Variants in MXRA8 observed in about 807,000 individuals in gnomAD.
The protein encoded by MXRA8 is matrix remodeling-associated protein 8.
MXRA8 carries 44 observed loss-of-function variants against 51.4 expected under a neutral mutation model. The ratio of observed to expected loss-of-function variants is 0.86; its 90% CI spans 0.67 to 1.10. MXRA8 has a LOEUF of 1.10. Among genes scored for constraint, MXRA8 ranks in the 50% least tolerant of loss-of-function variants. The probability of loss-of-function intolerance (pLI) is 0.00; values close to 1 mark genes in which losing one functional copy is unlikely to be tolerated. For missense variants in MXRA8, 765 were observed against 638.9 expected (o/e 1.20, Z -2.13); for synonymous variants, 369 against 293.5 (o/e 1.26, Z -2.63).
intron 1 of MXRA8, 27 bp downstream of exon 1, chr1:1,358,428 CA>C: frequency 6.3e-7 from 1 of 1,595,604 alleles, no homozygotes; most frequent in African/African-American, 1.3e-5. Flanking sequence ...TGCCACCCCC[CA>C]CCCGCCTCCC....
intron 1 of MXRA8, among the ~76,000 whole-genome samples, chr1:1,357,379 ACT>A (rs1644154056): frequency 6.6e-6 from 1 of 151,800 alleles, no homozygotes; most frequent in Non-Finnish European, 1.5e-5. Flanking sequence ...CGCCCTACGC[ACT>A]GTCCCCTGGT....
At chr1:1,354,169 G>C in intron 7 of MXRA8, 24 bp downstream of exon 7, 1 of 1,612,766 alleles carries the variant, frequency 6.2e-7, no homozygotes. Flanking sequence ...TGGTCCCCAG[G>C]AGGGCCGGGA....
Position 1,353,233 on chromosome 1 carries a change from C to T in MXRA8, c.*371G>A. On this transcript the variant is annotated 3_prime_UTR_variant, in exon 10 of 10. Transcript: ENST00000309212. ...AGCAGAGCCCTGGAGGAGTGGGACTCCTGCCCTGAGGCTGACCCCAGTTTT... is the reference window on the plus strand; with the variant it reads ...AGCAGAGCCCTGGAGGAGTGGGACTTCTGCCCTGAGGCTGACCCCAGTTTT... 1 of 1,428,724 alleles carries T rather than the reference C, an allele frequency of 7.0e-7. No individual in the cohort carries two copies. Among genetic ancestry groups the T allele is most frequent in the Non-Finnish European group, 9.7e-7 (1 of 1,036,044 alleles). 88.5% of individuals were successfully genotyped at this position (1,428,724 alleles called of 1,614,324 possible). A position where few individuals can be genotyped will look rare whatever the true frequency, so the allele number is the denominator to read the frequency against.
chr1:1,355,721 G>A lies in MXRA8; in HGVS notation c.105C>T (p.Ser35=). The A allele has an allele frequency of 7.6e-7, 1 of 1,323,380 alleles. No individual in the cohort carries two copies. The allele number at this position is 1,323,380 out of a possible 1,614,324, so 82.0% of individuals were successfully genotyped here. The change falls in exon 3 of 10, where the codon TCC becomes TCT. Residue 35 remains serine, a synonymous_variant. Transcript: ENST00000309212. ...GSSVPAAAGS[S]VVSESAVSWE... ...AGCTCACCGCGGACTCGGACACCAC[G>A]GAGCTGCCAGCAGCGGCGGGTACCG...
rs1644064244 is a variant in MXRA8 at position 1,354,064 on chromosome 1, G to A, written c.1188C>T (p.Asp396=). The A allele has an allele frequency of 6.2e-7, 1 of 1,612,918 alleles. No individual in the cohort carries two copies. Among genetic ancestry groups the A allele is most frequent in the East Asian group, 2.2e-5 (1 of 44,880 alleles). The change falls in exon 8 of 10, where the codon GAC becomes GAT. Residue 396 remains aspartate, a synonymous_variant. Transcript: ENST00000309212. ...TGTCCTCACTCCTGTAAAGCATCTG[G>A]TCCCCTGCAGCCACAGCGAACTCCG... The part of the protein sequence containing the change: ...NLAEFAVAAG[D]QMLYRSEDIQ...
chr1:1,355,580 A>AC lies in MXRA8; in HGVS notation c.245dup (p.Gly83TrpfsTer169). On this transcript the variant is annotated frameshift_variant, in exon 3 of 10. Coordinates refer to ENST00000309212, the MANE Select transcript of MXRA8 (RefSeq NM_032348.4). LOFTEE classifies it high-confidence loss of function. The stretch of plus-strand genomic sequence containing the variant: ...AGTCCAGCAGGCGCCGCGCGGGGCC[A>AC]CCCCCGGGGCCGCGCAGGTCCCAGT... 1 of 1,477,934 alleles carries AC rather than the reference A, an allele frequency of 6.8e-7. No individual in the cohort carries two copies. Among genetic ancestry groups the AC allele is most frequent in the Non-Finnish European group, 8.9e-7 (1 of 1,121,866 alleles). 91.6% of individuals were successfully genotyped at this position (1,477,934 alleles called of 1,614,324 possible). A position where few individuals can be genotyped will look rare whatever the true frequency, so the allele number is the denominator to read the frequency against.
upstream of MXRA8, among the ~76,000 whole-genome samples, chr1:1,360,423 C>T (rs1449530392): frequency 7.2e-6 from 1 of 138,820 alleles, no homozygotes; most frequent in African/African-American, 2.7e-5. Flanking sequence ...GTGACCAGGT[C>T]ACCTGCTCCT....
chr1:1,356,482 C>T lies in MXRA8; in HGVS notation c.73+199G>A, dbSNP rs537451775. ...GGAGTCTGTGGGGGAGGGCCAGGCC[C>T]CCAAGGGCCCTGGTAGGGGAAGAGG... On this transcript the variant is annotated intron_variant, in intron 2 of 9. Transcript: ENST00000309212. 2.1e-5 allele frequency among the ~76,000 whole-genome samples: 3 copies of T among 146,048 alleles called. No homozygotes were observed. In the East Asian group the frequency reaches 6.2e-4, roughly 30 times the overall value.
intron 1 of MXRA8, among the ~76,000 whole-genome samples, chr1:1,357,598 G>A (rs1250175576): frequency 1.3e-5 from 2 of 152,230 alleles, no homozygotes; most frequent in Non-Finnish European, 2.9e-5. Flanking sequence ...CCTGAGGTCA[G>A]GAATTCAAGA....
In MXRA8 at chr1:1,354,211, T is replaced by G. The variant is rs771021474; in HGVS notation, c.1127A>C (p.Lys376Thr). ...CACTCACCCCTTTGACTTTCCCGACTTCTGGTCCGAGTATTCGTAGCCTGG... is the reference window on the plus strand; with the variant it reads ...CACTCACCCCTTTGACTTTCCCGACGTCTGGTCCGAGTATTCGTAGCCTGG... ...RRGGYEYSDQ[K>T]SGKSKGKDVN... Residue 376 changes from lysine to threonine, a missense_variant, in exon 7 of 10, where the codon AAG (lysine) becomes ACG (threonine). Transcript: ENST00000309212. 29 of 1,612,524 alleles carry G rather than the reference T, an allele frequency of 1.8e-5. No homozygotes were observed. The highest frequency in any genetic ancestry group is 2.4e-5 in the Non-Finnish European group (28 of 1,179,972).
intron 5 of MXRA8, 51 bp downstream of exon 5, chr1:1,354,631 C>G (rs368870378): frequency 1.9e-6 from 3 of 1,541,054 alleles, no homozygotes; most frequent in Non-Finnish European, 1.7e-6. Flanking sequence ...CAGAGCAACC[C>G]CCGGTGGGGT....
rs764197473 is a variant in MXRA8 at position 1,355,385 on chromosome 1, G to A, written c.377-40C>T. 3.9e-6 allele frequency: 6 copies of A among 1,540,736 alleles called. No homozygotes were observed. The African/African-American group carries it at 8.6e-5, about 22-fold the overall frequency. On this transcript the variant is annotated intron_variant, in intron 3 of 9. Transcript: ENST00000309212. ...GGAAGCCGCGCGTGAGCCTTGCGGT[G>A]CCCCCGACCCCGCGGCCCCGGACCC...
Position 1,355,093 on chromosome 1 carries a change from C to T in MXRA8, c.538G>A (p.Ala180Thr), listed in dbSNP as rs756390021. ...EKEVLAVARG[A>T]PALLTCVNRG... The stretch of plus-strand genomic sequence containing the variant: ...TTCACGCAGGTCAGAAGCGCGGGTG[C>T]GCCGCGCGCCACCGCCAGCACCTCC... The change falls in exon 5 of 10, where the codon GCA (alanine) becomes ACA (threonine). Residue 180 changes from alanine (A) to threonine (T), a missense_variant. Ala to Thr is a moderately conservative substitution (Grantham distance 58). Transcript: ENST00000309212. 6.5e-6 allele frequency: 10 copies of T among 1,540,770 alleles called. No individual in the cohort carries two copies. The highest frequency in any genetic ancestry group is 2.9e-5 in the African/African-American group (2 of 69,220).
At chr1:1,361,330 C>T (rs769209320), upstream of MXRA8, 8 of 702,794 alleles carry the variant, frequency 1.1e-5, no homozygotes, top group Admixed American at 2.0e-5. Flanking sequence ...GGGTGCCAGG[C>T]TTGCTGGGCA....
In MXRA8 at chr1:1,353,911, G is replaced by A. The variant is rs1557680613; in HGVS notation, c.1240C>T (p.Leu414=). The part of the protein sequence containing the change: ...DIQLDYKNNI[L]KERAELAHSP... ...TGGGCCAGCTCCGCCCTCTCCTTCA[G>A]GATGTTGTTTTTGTAATCTGTGGGA... is the stretch of plus-strand genomic sequence containing the variant. The change falls in exon 9 of 10, where the codon CTG becomes TTG. Residue 414 remains leucine (L), a synonymous_variant. Transcript: ENST00000309212. 1 of 1,609,952 alleles carries A rather than the reference G, an allele frequency of 6.2e-7. No homozygotes were observed. The highest frequency in any genetic ancestry group is 2.2e-5 in the East Asian group (1 of 44,864).
At position 1,358,513 on chromosome 1, in the gene MXRA8, C is replaced by T. The variant is rs1457811967; in HGVS notation, c.-9G>A. The T allele has an allele frequency of 2.5e-6, 4 of 1,612,728 alleles. No individual in the cohort carries two copies. The Admixed American group carries it at 5.0e-5, about 20-fold the overall frequency. ...CGGGATGGCAGCGCCATGGCCCCCG[C>T]CCAGCCCCAGGCTTTGTCCCACTCG... On this transcript the variant is annotated 5_prime_UTR_variant, in exon 1 of 10. Transcript: ENST00000309212.
upstream of MXRA8, chr1:1,358,585 T>C (rs1018267089): frequency 2.3e-5 from 36 of 1,534,442 alleles, no homozygotes; most frequent in Non-Finnish European, 3.1e-5. Context: ...CTCCCCCTCC[T>C]TAGCACCCGC....
At chr1:1,353,983 G>A (rs779671827) in intron 8 of MXRA8, 47 bp downstream of exon 8, 8 of 1,492,668 alleles carry the variant, frequency 5.4e-6, no homozygotes, top group African/African-American at 3.9e-5. Flanking sequence ...TTCCCAGCCC[G>A]GGACTGGGAG....
At position 1,355,088 on chromosome 1, in the gene MXRA8, G is replaced by C; in HGVS notation, c.543C>G (p.Pro181=). 1 of 1,555,450 alleles carries C rather than the reference G, an allele frequency of 6.4e-7. No homozygotes were observed. Among genetic ancestry groups the C allele is most frequent in the Non-Finnish European group, 8.6e-7 (1 of 1,160,396 alleles). The change falls in exon 5 of 10, where the codon CCC becomes CCG. Residue 181 remains proline (P), a synonymous_variant. Transcript: ENST00000309212. ...CGCGGTTCACGCAGGTCAGAAGCGC[G>C]GGTGCGCCGCGCGCCACCGCCAGCA... ...KEVLAVARGA[P]ALLTCVNRGH...
Sources: gnomAD v4.1 joint callset for allele counts (sites outside exome capture counted in the v4.1 genomes callset) on GRCh38, gnomAD v4.1.1 for gene constraint, MANE v1.5 for transcripts, NCBI Gene and HGNC (gene_info 2026-07-23, HGNC 2026-07-21) for gene names.